The following NCAM2 variants were observed in gnomAD, a reference collection of about 807,000 sequenced individuals.
NCAM2 encodes N-CAM-2.
NCAM2 carries 30 observed loss-of-function variants against 98.1 expected under a neutral mutation model. The ratio of observed to expected loss-of-function variants is 0.31; its 90% CI spans 0.23 to 0.41. NCAM2 has a LOEUF of 0.41. NCAM2 is among the 10% of genes least tolerant of loss of function. The pLI, the probability that NCAM2 is intolerant of heterozygous loss-of-function variation, is 1.00. For synonymous variants in NCAM2, 368 were observed against 342.4 expected, an observed-to-expected ratio of 1.07 and a Z score of -0.83; for missense variants, 867 against 1,005.8, an observed-to-expected ratio of 0.86 and a Z score of 1.87.
chr21:21,082,797 G>C (rs2065835572), intron 1 of NCAM2, among the ~76,000 whole-genome samples: 1 of 152,090 alleles, frequency 6.6e-6, no homozygotes, highest in African/African-American at 2.4e-5. Context: ...GCCTGCCTTA[G>C]ATTTTCACAA....
intron 5 of NCAM2, among the ~76,000 whole-genome samples, chr21:21,320,753 A>G (rs2074354702): frequency 6.6e-6 from 1 of 152,156 alleles, no homozygotes; most frequent in Non-Finnish European, 1.5e-5. Context: ...TACCTCATAT[A>G]AGCAATTAAG....
chr21:21,252,788 T>A (rs1033941951), intron 1 of NCAM2, among the ~76,000 whole-genome samples: 1 of 152,174 alleles, frequency 6.6e-6, no homozygotes, highest in Non-Finnish European at 1.5e-5. Context: ...CTTTATTTTC[T>A]CCTGTCTACT....
intron 16 of NCAM2, among the ~76,000 whole-genome samples, chr21:21,522,731 A>C (rs1989100029): frequency 2.0e-5 from 3 of 146,770 alleles, no homozygotes; most frequent in African/African-American, 7.6e-5. Flanking sequence ...TCTGAGATTC[A>C]AGCAATTCTC....
intron 1 of NCAM2, among the ~76,000 whole-genome samples, chr21:21,195,404 G>A (rs1051980758): frequency 3.3e-5 from 5 of 152,070 alleles, no homozygotes; most frequent in African/African-American, 1.2e-4. Context: ...ACATGCATAA[G>A]AAAATGAAAT....
intron 8 of NCAM2, among the ~76,000 whole-genome samples, chr21:21,354,533 CA>C (rs1331964726): frequency 1.3e-5 from 2 of 152,072 alleles, no homozygotes; most frequent in Non-Finnish European, 2.9e-5. Context: ...AATTGTTTTT[CA>C]AAATATTACC....
intron 1 of NCAM2, among the ~76,000 whole-genome samples, chr21:21,265,324 CATATATA>C (rs1380132282): frequency 5.5e-5 from 7 of 126,304 alleles, no homozygotes; most frequent in East Asian, 2.5e-4. Flanking sequence ...TATATATACA[CATATATA>C]ATATATATGT....
rs559966803 is a variant in NCAM2, at chr21:21,218,281, G to A, written c.56-62297G>A. ...AAGTTAAGTTACCAGATTCCATCTA[G>A]CATATTTTGAAATAGAAATAAGAGA... On this transcript the variant is annotated intron_variant, in intron 1 of 17. Coordinates refer to ENST00000400546, the MANE Select transcript of NCAM2 (RefSeq NM_004540.5). 1.8e-4 allele frequency among the ~76,000 whole-genome samples: 27 copies of A among 152,282 alleles called. No individual in the cohort carries two copies. In the East Asian group the frequency reaches 2.3e-3, roughly 13 times the overall value.
intron 1 of NCAM2, among the ~76,000 whole-genome samples, chr21:21,061,683 T>A (rs1316277068): frequency 6.6e-6 from 1 of 152,172 alleles, no homozygotes; most frequent in East Asian, 1.9e-4. Context: ...TTGAATGTTT[T>A]GAAATTGATT....
At chr21:21,334,517 A>C (rs750903647) in intron 6 of NCAM2, among the ~76,000 whole-genome samples, 1 of 152,098 alleles carries the variant, frequency 6.6e-6, no homozygotes, top group Non-Finnish European at 1.5e-5. Flanking sequence ...TTACAATTGT[A>C]TGGACAAGCA....
At chr21:21,383,836 C>T (rs1335978659) in intron 9 of NCAM2, among the ~76,000 whole-genome samples, 1 of 151,874 alleles carries the variant, frequency 6.6e-6, no homozygotes, top group African/African-American at 2.4e-5. Context: ...TTATTTTTCA[C>T]ATTGTTTAGA....
chr21:21,086,429 T>A (rs1319511971), intron 1 of NCAM2, among the ~76,000 whole-genome samples: 1 of 152,174 alleles, frequency 6.6e-6, no homozygotes, highest in Non-Finnish European at 1.5e-5. Context: ...TGTATTTACA[T>A]GAAAGGGACT....
intron 1 of NCAM2, among the ~76,000 whole-genome samples, chr21:21,263,917 C>T (rs1181399251): frequency 6.6e-6 from 1 of 151,832 alleles, no homozygotes; most frequent in Non-Finnish European, 1.5e-5. Context: ...AAAGAAATGT[C>T]CTTTGGGACA....
intron 15 of NCAM2, among the ~76,000 whole-genome samples, chr21:21,486,819 T>G (rs557741381): frequency 6.6e-6 from 1 of 152,298 alleles, no homozygotes; most frequent in African/African-American, 2.4e-5. Flanking sequence ...TACATCAATT[T>G]GGCATTTTGA....
chr21:21,134,788 G>A lies in NCAM2; in HGVS notation c.55+136170G>A, dbSNP rs1227219902. 2.0e-5 allele frequency among the ~76,000 whole-genome samples: 3 copies of A among 147,656 alleles called. No individual in the cohort carries two copies. In the East Asian group the frequency reaches 6.1e-4, roughly 30 times the overall value. On this transcript the variant is annotated intron_variant, in intron 1 of 17. Transcript: ENST00000400546. ...TGCGGTGGTGCAGTGATCACAACTCGCTGCAGTCTCAAGCTCCTGGGCTCA... is the reference window on the plus strand; with the variant it reads ...TGCGGTGGTGCAGTGATCACAACTCACTGCAGTCTCAAGCTCCTGGGCTCA...
At position 21,309,797 on chromosome 21, in the gene NCAM2, ACT is replaced by A. The variant is rs377746865; in HGVS notation, c.620-14579_620-14578del. Among the ~76,000 whole-genome samples the A allele has an allele frequency of 2.0e-4, 30 of 151,808 alleles. No homozygotes were observed. In the East Asian group the frequency reaches 4.5e-3, roughly 23 times the overall value. On this transcript the variant is annotated intron_variant, in intron 5 of 17. Transcript: ENST00000400546. Reference sequence around the variant, plus strand: ...CTCATTCCTGTGCTGCAATCTAGAAACTCTCTCTAGACAGTAAGCTGAGACAC... The same window carrying A: ...CTCATTCCTGTGCTGCAATCTAGAAACTCTCTAGACAGTAAGCTGAGACAC...
chr21:21,324,338 A>G, intron 5 of NCAM2, 45 bp from the exon 6 acceptor site: 1 of 1,379,586 alleles, frequency 7.2e-7, no homozygotes, highest in Non-Finnish European at 1.0e-6. Flanking sequence ...GATGGTAGTG[A>G]AGGTGTTTTC....
chr21:21,146,266 CTTAG>C (rs1006076134), intron 1 of NCAM2, among the ~76,000 whole-genome samples: 2 of 151,606 alleles, frequency 1.3e-5, no homozygotes, highest in Non-Finnish European at 2.9e-5. Context: ...TTATCACAGC[CTTAG>C]TTTTTATTTT....
chr21:21,429,739 T>A (rs2077288764), intron 11 of NCAM2, among the ~76,000 whole-genome samples: 1 of 152,202 alleles, frequency 6.6e-6, no homozygotes, highest in Admixed American at 6.5e-5. Flanking sequence ...ATTTTAATAG[T>A]TCTAAGACTT....
At chr21:21,356,927 T>C (rs1602090432) in intron 8 of NCAM2, among the ~76,000 whole-genome samples, 1 of 150,946 alleles carries the variant, frequency 6.6e-6, no homozygotes, top group South Asian at 2.1e-4. Context: ...GAGGCGGAGG[T>C]TGCAGGAGCC....
Sources: gnomAD v4.1 joint callset for allele counts (sites outside exome capture counted in the v4.1 genomes callset) on GRCh38, gnomAD v4.1.1 for gene constraint, MANE v1.5 for transcripts, NCBI Gene and HGNC (gene_info 2026-07-23, HGNC 2026-07-21) for gene names.